APC: variants seen among roughly 807,000 people sequenced by gnomAD.
APC encodes the protein adenomatous polyposis coli protein.
A neutral mutation model predicts 247.0 loss-of-function variants in APC; 72 were observed. The observed-to-expected ratio is 0.29, with a 90% CI of 0.24 to 0.35. The LOEUF (loss-of-function observed/expected upper bound fraction) is 0.35, where lower values mean the gene tolerates loss of function less well. Ranked by LOEUF, APC falls within the 10% of genes least tolerant of loss-of-function variation. The pLI, the probability that APC is intolerant of heterozygous loss-of-function variation, is 1.00. For synonymous variants in APC, 1,254 were observed against 1,162.5 expected (o/e 1.08, Z -1.60); for missense variants, 3,400 against 3,360.7 (o/e 1.01, Z -0.29).
In APC at chr5:112,792,560, A is replaced by G. The variant is rs374626709; in HGVS notation, c.729+31A>G. On this transcript the variant is annotated intron_variant, in intron 7 of 15. Transcript: ENST00000257430. ...TAAATTGCCTTTCTTGTTTGTGGGT[A>G]TAAAAATAGGTAGTTATTCTGAGAA... 6.4e-5 allele frequency: 95 copies of G among 1,482,532 alleles called. No individual in the cohort carries two copies. The highest frequency in any genetic ancestry group is 8.9e-5 in the Non-Finnish European group (94 of 1,061,372). 91.8% of individuals were successfully genotyped at this position (1,482,532 alleles called of 1,614,324 possible).
intron 8 of APC, among the ~76,000 whole-genome samples, chr5:112,813,785 A>G (rs1411814436): frequency 1.3e-5 from 2 of 151,664 alleles, no homozygotes; most frequent in Non-Finnish European, 2.9e-5. Context: ...AAAAAAAATC[A>G]CCAAAAGTGA....
intron 1 of APC, among the ~76,000 whole-genome samples, chr5:112,732,314 A>G (rs1035960304): frequency 1.3e-5 from 2 of 152,136 alleles, no homozygotes; most frequent in Admixed American, 6.5e-5. Flanking sequence ...GGCAGCACAT[A>G]CCAAAGCTTG....
At chr5:112,730,216 T>C (rs527339254) in intron 1 of APC, among the ~76,000 whole-genome samples, 69 of 152,358 alleles carry the variant, frequency 4.5e-4, no homozygotes, top group African/African-American at 1.6e-3. Context: ...AATAAATCCA[T>C]TCATTCAATA....
chr5:112,764,371 T>C (rs1293061107), intron 2 of APC, among the ~76,000 whole-genome samples: 1 of 152,012 alleles, frequency 6.6e-6, no homozygotes, highest in Admixed American at 6.6e-5. Flanking sequence ...AATAACAAGA[T>C]AGTGGCAGTA....
intron 14 of APC, among the ~76,000 whole-genome samples, chr5:112,832,774 A>C (rs970309468): frequency 5.3e-5 from 8 of 152,156 alleles, no homozygotes; most frequent in African/African-American, 1.4e-4. Flanking sequence ...TATTTGATTG[A>C]TTTGATTAAA....
chr5:112,841,362 C>G lies in APC; in HGVS notation c.5768C>G (p.Pro1923Arg), dbSNP rs1561602450. 7 of 1,613,682 alleles carry G rather than the reference C, an allele frequency of 4.3e-6. No individual in the cohort carries two copies. The highest frequency in any genetic ancestry group is 5.9e-6 in the Non-Finnish European group (7 of 1,179,666). Residue 1923 changes from proline (P) to arginine (R), a missense_variant, in exon 16 of 16, where the codon CCT becomes CGT. Pro to Arg is a moderately radical substitution (Grantham distance 103). Transcript: ENST00000257430. This position sits in a 1 kb window ranked among gnomAD's most constrained non-coding sequence, Gnocchi z 4.6. ...IAKQPINRGQ[P>R]KPILQKQSTF... ...AAGCAGCCAATAAATCGAGGTCAGCCTAAACCCATACTTCAGAAACAATCC... is the reference window on the plus strand; with the variant it reads ...AAGCAGCCAATAAATCGAGGTCAGCGTAAACCCATACTTCAGAAACAATCC...
intron 8 of APC, among the ~76,000 whole-genome samples, chr5:112,811,326 A>G (rs1016445495): frequency 6.6e-5 from 10 of 152,160 alleles, no homozygotes; most frequent in African/African-American, 1.4e-4. Flanking sequence ...AGTTCATCAC[A>G]CTCAAGTTTA....
Position 112,786,463 on chromosome 5 carries a change from T to TATGTA in APC, c.645+5561_645+5562insTGTAA, listed in dbSNP as rs1561493363. On this transcript the variant is annotated intron_variant, in intron 6 of 15. Coordinates refer to ENST00000257430, the MANE Select transcript of APC (RefSeq NM_000038.6). Reference sequence around the variant, plus strand: ...CTTGTTCAGTGTGTATTTGGTCACCTAGTATGGTGGTACTTACCCTTCCAT... The same window carrying TATGTA: ...CTTGTTCAGTGTGTATTTGGTCACCTATGTAAGTATGGTGGTACTTACCCTTCCAT... 6.6e-5 allele frequency among the ~76,000 whole-genome samples: 10 copies of TATGTA among 152,310 alleles called. No individual in the cohort carries two copies. In the East Asian group the frequency reaches 1.9e-3, roughly 29 times the overall value.
intron 3 of APC, among the ~76,000 whole-genome samples, chr5:112,766,723 C>T (rs963447914): frequency 6.6e-6 from 1 of 152,074 alleles, no homozygotes; most frequent in Non-Finnish European, 1.5e-5. Context: ...ATTCTATATG[C>T]CATAGACTTG....
intron 1 of APC, among the ~76,000 whole-genome samples, chr5:112,716,041 G>A (rs1386528231): frequency 6.6e-6 from 1 of 152,050 alleles, no homozygotes; most frequent in African/African-American, 2.4e-5. Context: ...GAGATCAGTA[G>A]TCTTTCCAGA....
At chr5:112,740,408 C>T (rs1395702005) in intron 1 of APC, among the ~76,000 whole-genome samples, 1 of 151,766 alleles carries the variant, frequency 6.6e-6, no homozygotes, top group Non-Finnish European at 1.5e-5. Flanking sequence ...TGAAATTATT[C>T]ACTGCTCTGA....
Position 112,842,460 on chromosome 5 carries a change from C to A in APC, c.6866C>A (p.Thr2289Lys), listed in dbSNP as rs876660654. Reference sequence around the variant, plus strand: ...GAATTAAGCCCTGTTGCCAGGCAGACATCCCAAATAGGTGGGTCAAGTAAA... The same window carrying A: ...GAATTAAGCCCTGTTGCCAGGCAGAAATCCCAAATAGGTGGGTCAAGTAAA... ...KSELSPVARQTSQIGGSSKAP... is the reference protein window; with the variant it reads ...KSELSPVARQKSQIGGSSKAP... The change falls in exon 16 of 16, where the codon ACA (threonine) becomes AAA (lysine). Residue 2289 changes from threonine to lysine, a missense_variant. Physicochemically the swap from Thr to Lys is moderately conservative, Grantham distance 78 (BLOSUM62 -1). Coordinates refer to ENST00000257430, the MANE Select transcript of APC (RefSeq NM_000038.6). The A allele has an allele frequency of 6.2e-7, 1 of 1,613,960 alleles. No individual in the cohort carries two copies. Among genetic ancestry groups the A allele is most frequent in the Admixed American group, 1.7e-5 (1 of 59,994 alleles).
intron 1 of APC, among the ~76,000 whole-genome samples, chr5:112,710,452 C>G (rs1490391001): frequency 6.6e-6 from 1 of 151,996 alleles, no homozygotes. Context: ...CAAGAGCAAC[C>G]CCCTCCCTCC....
intron 1 of APC, among the ~76,000 whole-genome samples, chr5:112,711,137 A>T (rs1750822601): frequency 6.6e-6 from 1 of 152,232 alleles, no homozygotes; most frequent in African/African-American, 2.4e-5. Context: ...GCATAGCAGG[A>T]GGTGAGCAGC....
intron 7 of APC, among the ~76,000 whole-genome samples, chr5:112,799,113 G>T (rs1360939345): frequency 6.9e-6 from 1 of 144,986 alleles, no homozygotes; most frequent in Non-Finnish European, 1.5e-5. Context: ...GGAGGCTGAG[G>T]CATGAGAATC....
At chr5:112,818,812 T>TG (rs1030216293) in intron 9 of APC, among the ~76,000 whole-genome samples, 154 bp from the exon 10 acceptor site, 8 of 150,098 alleles carry the variant, frequency 5.3e-5, no homozygotes, top group Non-Finnish European at 8.9e-5. Context: ...TACTTCATCC[T>TG]GGAAAGGTTT....
intron 1 of APC, among the ~76,000 whole-genome samples, chr5:112,744,824 C>G (rs1753459119): frequency 6.6e-6 from 1 of 152,132 alleles, no homozygotes; most frequent in South Asian, 2.1e-4. Flanking sequence ...TTGTGAACAC[C>G]AGACAGAAGT....
At chr5:112,783,983 C>T (rs528947939) in intron 6 of APC, among the ~76,000 whole-genome samples, 76 of 151,634 alleles carry the variant, frequency 5.0e-4, no homozygotes, top group Admixed American at 5.2e-4. Context: ...ATCAGCTGCC[C>T]GAAACTTTAT....
intron 1 of APC, among the ~76,000 whole-genome samples, chr5:112,720,015 A>G (rs1323188897): frequency 6.6e-6 from 1 of 152,232 alleles, no homozygotes; most frequent in African/African-American, 2.4e-5. Context: ...CTGAGATTAA[A>G]TCTGTTGAAT....
Sources: allele counts gnomAD v4.1 joint callset (sites outside exome capture counted in the v4.1 genomes callset), GRCh38; gene constraint gnomAD v4.1.1; non-coding constraint Gnocchi (gnomAD v3.1); transcripts MANE v1.5; gene names NCBI Gene and HGNC (gene_info 2026-07-23, HGNC 2026-07-21).